Variants in PREPL observed in about 807,000 individuals in gnomAD.
PREPL encodes the protein prolyl endopeptidase-like.
Under a neutral mutation model 70.6 loss-of-function variants are expected in PREPL, and 77 were observed. The observed-to-expected ratio is 1.09, with a 90% CI of 0.91 to 1.32. The LOEUF (loss-of-function observed/expected upper bound fraction) is 1.32. Ranked by LOEUF, PREPL falls within the 40% of genes most tolerant of loss-of-function variation. The probability of loss-of-function intolerance (pLI) is 0.00; values close to 1 mark genes in which losing one functional copy is unlikely to be tolerated. For missense variants in PREPL, 1,002 were observed against 778.2 expected (o/e 1.29, Z -3.42); for synonymous variants, 315 against 264.8 (o/e 1.19, Z -1.84).
Position 44,320,980 on chromosome 2 carries a change from G to T in PREPL, c.*376C>A. ...AATGCAGTCATAGAAATTAGAGGAT[G>T]ACTCACTGCCACAGTGTCTAAAAGC... On this transcript the variant is annotated 3_prime_UTR_variant, in exon 14 of 14. Transcript: ENST00000409411. 2.5e-6 allele frequency: 1 copy of T among 399,520 alleles called. No homozygotes were observed. The allele number at this position is 399,520 out of a possible 1,614,324, so 24.7% of individuals were successfully genotyped here. A position where few individuals can be genotyped will look rare whatever the true frequency, so the allele number is the denominator to read the frequency against.
chr2:44,338,018 C>A (rs997933716), intron 7 of PREPL, among the ~76,000 whole-genome samples: 1 of 152,198 alleles, frequency 6.6e-6, no homozygotes, highest in Non-Finnish European at 1.5e-5. Context: ...GCACTAGCTA[C>A]CAACTTTGGC....
intron 9 of PREPL, 64 bp downstream of exon 9, chr2:44,328,873 G>A: frequency 7.0e-7 from 1 of 1,421,752 alleles, no homozygotes; most frequent in Non-Finnish European, 9.5e-7. Flanking sequence ...GATATATATT[G>A]TTATTCTTGA....
rs754371653 is a variant in PREPL, at chr2:44,338,338, A to G, written c.888+13T>C. On this transcript the variant is annotated intron_variant, in intron 7 of 13. Transcript: ENST00000409411. Reference sequence around the variant, plus strand: ...TTTGATTAACAGTATTAACTTCTGAAAATTAAACATACCTTTAGAGACCGA... The same window carrying G: ...TTTGATTAACAGTATTAACTTCTGAGAATTAAACATACCTTTAGAGACCGA... 1.3e-6 allele frequency: 2 copies of G among 1,598,504 alleles called. No homozygotes were observed. The highest frequency in any genetic ancestry group is 1.7e-6 in the Non-Finnish European group (2 of 1,174,474).
intron 7 of PREPL, among the ~76,000 whole-genome samples, chr2:44,336,361 A>T (rs1375074581): frequency 6.6e-6 from 1 of 152,212 alleles, no homozygotes. Context: ...ACACAGCCAT[A>T]AAAAAGAGAT....
At position 44,329,227 on chromosome 2, in the gene PREPL, T is replaced by G. The variant is rs1035825262; in HGVS notation, c.1087-115A>C. 4 of 795,690 alleles carry G rather than the reference T, an allele frequency of 5.0e-6. No homozygotes were observed. In the African/African-American group the frequency reaches 5.3e-5, roughly 10 times the overall value. 49.3% of individuals were successfully genotyped at this position (795,690 alleles called of 1,614,324 possible). A position where few individuals can be genotyped will look rare whatever the true frequency, so the allele number is the denominator to read the frequency against. On this transcript the variant is annotated intron_variant, in intron 8 of 13. Transcript: ENST00000409411. The stretch of plus-strand genomic sequence containing the variant: ...CCCACTTGTGTGCTACCTACTGATG[T>G]TGAGCACAAATTTGTTTAAGAAAAA...
Position 44,342,460 on chromosome 2 carries a change from C to A in PREPL, c.442G>T (p.Asp148Tyr). Residue 148 changes from aspartate (D) to tyrosine (Y), a missense_variant, in exon 5 of 14, where the codon GAT (aspartate) becomes TAT (tyrosine). By Grantham distance (160) the Asp-to-Tyr change is radical (BLOSUM62 -3). Coordinates refer to ENST00000409411, the MANE Select transcript of PREPL (RefSeq NM_001171613.2). ...CHDVYRATFG[D>Y]NKRNERFYTE... ...TAAAAGCGTTCATTACGTTTGTTAT[C>A]ACCAAAAGTGGCTCGATATACGTCA... is the stretch of plus-strand genomic sequence containing the variant. 2.5e-6 allele frequency: 4 copies of A among 1,613,270 alleles called. No homozygotes were observed. Among genetic ancestry groups the A allele is most frequent in the Non-Finnish European group, 3.4e-6 (4 of 1,179,514 alleles).
In PREPL at chr2:44,320,215, C is replaced by T. The variant is rs1429825299; in HGVS notation, c.*1141G>A. ...AAAAAATAGGTCCAAAAGACTCAGC[C>T]CAGATCGGCTTTGAAGTTATATCAA... On this transcript the variant is annotated 3_prime_UTR_variant, in exon 14 of 14. Transcript: ENST00000409411. The T allele has an allele frequency of 2.5e-6, 4 of 1,613,458 alleles. No individual in the cohort carries two copies. The highest frequency in any genetic ancestry group is 3.3e-4 in the Middle Eastern group (2 of 6,078).
intron 3 of PREPL, 111 bp downstream of exon 3, chr2:44,344,409 G>T: frequency 1.1e-6 from 1 of 875,418 alleles, no homozygotes; most frequent in South Asian, 2.2e-5. Context: ...AAAAAATTCA[G>T]AAATAATCTT....
At chr2:44,322,239 G>A (rs1303650466) in intron 12 of PREPL, among the ~76,000 whole-genome samples, 1 of 152,112 alleles carries the variant, frequency 6.6e-6, no homozygotes, top group Non-Finnish European at 1.5e-5. Flanking sequence ...GACAAATGGA[G>A]ATGAATACAG....
At chr2:44,341,984 G>C (rs868522086) in intron 5 of PREPL, among the ~76,000 whole-genome samples, 1 of 151,974 alleles carries the variant, frequency 6.6e-6, no homozygotes, top group Middle Eastern at 3.4e-3. Flanking sequence ...AGGAACAAGG[G>C]GTTTTAGTTT....
intron 1 of PREPL, among the ~76,000 whole-genome samples, chr2:44,350,655 GTTCCT>G (rs1447378790): frequency 2.0e-5 from 3 of 152,230 alleles, no homozygotes; most frequent in Non-Finnish European, 2.9e-5. Flanking sequence ...AAGGAAACTT[GTTCCT>G]TTCATCTTCT....
At chr2:44,360,272 C>A (rs1317383762) in intron 1 of PREPL, 1 of 152,158 alleles carries the variant, frequency 6.6e-6, no homozygotes, top group Non-Finnish European at 1.5e-5. Context: ...CTGCCAGGTG[C>A]TTTTATCTTG....
intron 1 of PREPL, among the ~76,000 whole-genome samples, chr2:44,349,715 G>C (rs140051907): frequency 1.1e-4 from 17 of 152,110 alleles, no homozygotes; most frequent in African/African-American, 4.1e-4. Context: ...CTGTAATCTC[G>C]GCACTTCGGG....
rs780709367 is a variant in PREPL at position 44,319,249 on chromosome 2, A to G, written c.*2107T>C. ...TATCACCCCAGTAAACATGGCTGGC[A>G]AGAATACAATTAAATGAACATTATC... On this transcript the variant is annotated 3_prime_UTR_variant, in exon 14 of 14. Transcript: ENST00000409411. 2.6e-5 allele frequency: 4 copies of G among 152,644 alleles called. No homozygotes were observed. Among genetic ancestry groups the G allele is most frequent in the Non-Finnish European group, 5.9e-5 (4 of 68,042 alleles). The allele number at this position is 152,644 out of a possible 1,614,324, so 9.5% of individuals were successfully genotyped here.
At position 44,346,277 on chromosome 2, in the gene PREPL, G is replaced by C; in HGVS notation, c.66C>G (p.Ile22Met). The C allele has an allele frequency of 6.2e-7, 1 of 1,610,476 alleles. No individual in the cohort carries two copies. ...ETQPQEEYEI[I>M]NVEVKHGGFV... ...ACATGAGATATCTTACTTCCACATT[G>C]ATGATTTCATATTCTTCTTGTGGCT... The change falls in exon 2 of 14, where the codon ATC (isoleucine) becomes ATG (methionine). Residue 22 changes from isoleucine to methionine, a missense_variant. By Grantham distance (10) the Ile-to-Met change is conservative. Transcript: ENST00000409411.
At position 44,339,211 on chromosome 2, in the gene PREPL, T is replaced by C. The variant is rs947243243; in HGVS notation, c.638A>G (p.Tyr213Cys). The C allele has an allele frequency of 1.2e-6, 2 of 1,614,056 alleles. No individual in the cohort carries two copies. Among genetic ancestry groups the C allele is most frequent in the Admixed American group, 1.7e-5 (1 of 60,006 alleles). ...IQKRIHGVLYYVEHRDDELYI... is the reference protein window; with the variant it reads ...IQKRIHGVLYCVEHRDDELYI... ...TAATTCATCATCTCTGTGTTCAACA[T>C]AGTAAAGGACCCCATGTATTCGCTT... The change falls in exon 6 of 14, where the codon TAT (tyrosine) becomes TGT (cysteine). Residue 213 changes from tyrosine to cysteine, a missense_variant. Physicochemically the swap from Tyr to Cys is radical, Grantham distance 194. Transcript: ENST00000409411.
intron 1 of PREPL, chr2:44,360,084 A>C (rs1677522394): frequency 5.5e-6 from 1 of 180,388 alleles, no homozygotes; most frequent in Admixed American, 6.0e-5. Context: ...ATTTGCAAAT[A>C]AGTACACAGA....
intron 1 of PREPL, among the ~76,000 whole-genome samples, chr2:44,354,212 TG>T (rs750588670): frequency 6.6e-6 from 1 of 152,080 alleles, no homozygotes; most frequent in Non-Finnish European, 1.5e-5. Flanking sequence ...TCAGATGGGA[TG>T]ATTTCTGGGG....
At chr2:44,342,277 A>T in intron 5 of PREPL, 140 bp downstream of exon 5, 1 of 694,960 alleles carries the variant, frequency 1.4e-6, no homozygotes, top group South Asian at 3.7e-5. Flanking sequence ...GAATACAAAC[A>T]ACTAATAAAA....
Sources: gnomAD v4.1 joint callset for allele counts (sites outside exome capture counted in the v4.1 genomes callset) on GRCh38, gnomAD v4.1.1 for gene constraint, MANE v1.5 for transcripts, NCBI Gene and HGNC (gene_info 2026-07-23, HGNC 2026-07-21) for gene names.